Variants in SCML2 observed in about 807,000 individuals in gnomAD.
SCML2 encodes sex comb on midleg-like protein 2.
SCML2 carries 6 observed loss-of-function variants against 48.4 expected under a neutral mutation model. That is an observed-to-expected ratio of 0.12 (90% CI 0.07 to 0.24). The LOEUF is 0.24. Among genes scored for constraint, SCML2 ranks in the 10% least tolerant of loss-of-function variants. The pLI, the probability that SCML2 is intolerant of heterozygous loss-of-function variation, is 1.00. For synonymous variants in SCML2, 181 were observed against 189.5 expected (o/e 0.95, Z 0.37); for missense variants, 377 against 528.2 (o/e 0.71, Z 2.81).
chrX:18,313,342 T>C (rs973750757), intron 6 of SCML2, among the ~76,000 whole-genome samples: 5 of 110,740 alleles, frequency 4.5e-5, no homozygotes, highest in Non-Finnish European at 9.4e-5. Context: ...AGTGAATACG[T>C]CTCACAAGAT....
intron 1 of SCML2, among the ~76,000 whole-genome samples, chrX:18,339,025 CT>C (rs1487489671): frequency 9.1e-6 from 1 of 110,189 alleles, no homozygotes; most frequent in Non-Finnish European, 1.9e-5. Context: ...CCCATTCCAT[CT>C]GTCCTAATGA....
intron 7 of SCML2, among the ~76,000 whole-genome samples, chrX:18,295,885 G>A (rs1395460172): frequency 8.9e-6 from 1 of 111,951 alleles, no homozygotes; most frequent in Non-Finnish European, 1.9e-5. Flanking sequence ...AACTCATAGA[G>A]AAACTTCACT....
chrX:18,346,128 C>T (rs1930193691), intron 1 of SCML2, among the ~76,000 whole-genome samples: 1 of 110,834 alleles, frequency 9.0e-6, no homozygotes, highest in Non-Finnish European at 1.9e-5. Flanking sequence ...ATCAAATCAG[C>T]TGTCTTAATT....
At chrX:18,259,094 T>C (rs1410246258) in intron 9 of SCML2, among the ~76,000 whole-genome samples, 1 of 110,782 alleles carries the variant, frequency 9.0e-6, no homozygotes, top group African/African-American at 3.3e-5. Flanking sequence ...TGAAACCCCA[T>C]CTCTACTAAA....
At chrX:18,282,436 G>A (rs1331761872) in intron 7 of SCML2, among the ~76,000 whole-genome samples, 2 of 109,435 alleles carry the variant, frequency 1.8e-5, no homozygotes, top group African/African-American at 3.3e-5. Flanking sequence ...CCAGGAGTTC[G>A]AGACCAGCCT....
intron 10 of SCML2, 60 bp downstream of exon 10, chrX:18,257,984 A>AGGGAAGG: frequency 1.7e-6 from 1 of 587,394 alleles, no homozygotes; most frequent in Non-Finnish European, 2.6e-6. Context: ...GGAAGGGGGA[A>AGGGAAGG]GGGAAGGGGG....
chrX:18,334,096 C>T lies in SCML2; in HGVS notation c.-24-1G>A. On this transcript the variant is annotated splice_acceptor_variant, in intron 1 of 14. Coordinates refer to ENST00000251900, the MANE Select transcript of SCML2 (RefSeq NM_006089.3). LOFTEE classifies it low-confidence loss of function (5UTR_SPLICE). The stretch of plus-strand genomic sequence containing the variant: ...TGGTATCCCTATTTGGTGTTGTTTC[C>T]TACAAGGAGAAAAACCAATTAATGC... 1 of 1,175,595 alleles carries T rather than the reference C, an allele frequency of 8.5e-7. No homozygotes were observed. The highest frequency in any genetic ancestry group is 1.1e-6 in the Non-Finnish European group (1 of 873,272).
intron 5 of SCML2, among the ~76,000 whole-genome samples, chrX:18,321,927 A>G (rs1019526145): frequency 3.8e-4 from 42 of 111,885 alleles, no homozygotes; most frequent in Admixed American, 3.1e-3. Flanking sequence ...CCTTTAGGAA[A>G]GGAGAGATTA....
chrX:18,293,723 C>T (rs1928304667), intron 7 of SCML2, among the ~76,000 whole-genome samples: 1 of 111,832 alleles, frequency 8.9e-6, no homozygotes, highest in South Asian at 3.7e-4. Context: ...CTGTAAAACA[C>T]CAAAGATGAC....
chrX:18,336,383 G>A (rs1291495782), intron 1 of SCML2, among the ~76,000 whole-genome samples: 1 of 103,898 alleles, frequency 9.6e-6, no homozygotes, highest in Non-Finnish European at 2.0e-5. Context: ...AGGTTGCAAT[G>A]AGCCGAGATC....
chrX:18,303,901 C>T (rs1376202773), intron 7 of SCML2, among the ~76,000 whole-genome samples: 1 of 112,232 alleles, frequency 8.9e-6, no homozygotes, highest in Non-Finnish European at 1.9e-5. Flanking sequence ...GCTATAAGCT[C>T]TTACCTAGAC....
intron 7 of SCML2, among the ~76,000 whole-genome samples, chrX:18,293,336 G>A (rs1928294618): frequency 9.0e-6 from 1 of 111,139 alleles, no homozygotes; most frequent in African/African-American, 3.3e-5. Flanking sequence ...AGCGATGCCT[G>A]AAAAAAAGCA....
chrX:18,239,965 G>A lies in SCML2; in HGVS notation c.*1286C>T, dbSNP rs1926207209. On this transcript the variant is annotated 3_prime_UTR_variant, in exon 15 of 15. Transcript: ENST00000251900. ...TATTGCACTCCAGCCTGGGCAACAA[G>A]AGTGAAACTCCATCTCAAAAAAATA... 1 of 112,158 alleles carries A rather than the reference G, an allele frequency of 8.9e-6. No homozygotes were observed. Among genetic ancestry groups the A allele is most frequent in the Admixed American group, 9.6e-5 (1 of 10,456 alleles). The allele number at this position is 112,158 out of a possible 1,213,427, so 9.2% of individuals were successfully genotyped here.
intron 5 of SCML2, among the ~76,000 whole-genome samples, chrX:18,323,053 C>CA (rs1929372600): frequency 9.0e-6 from 1 of 110,504 alleles, no homozygotes; most frequent in African/African-American, 3.3e-5. Context: ...AATAGGAAAA[C>CA]AAAAAAATCC....
chrX:18,330,490 A>C lies in SCML2; in HGVS notation c.91+97T>G, dbSNP rs1929619854. The C allele has an allele frequency of 6.4e-6, 3 of 471,288 alleles. No individual in the cohort carries two copies. The East Asian group carries it at 1.1e-4, about 17-fold the overall frequency. 38.8% of individuals were successfully genotyped at this position (471,288 alleles called of 1,213,427 possible). On this transcript the variant is annotated intron_variant, in intron 3 of 14. Transcript: ENST00000251900. ...AAGTTTACAGTATACAGACTGTACA[A>C]TAAGAAATCAAAACAATAAGAAAAT...
At chrX:18,262,124 A>T (rs1299990454) in intron 8 of SCML2, among the ~76,000 whole-genome samples, 1 of 108,536 alleles carries the variant, frequency 9.2e-6, no homozygotes, top group East Asian at 2.8e-4. Context: ...GAACTCAGGA[A>T]TGTGTAAGAT....
At chrX:18,342,450 G>C (rs953941117) in intron 1 of SCML2, among the ~76,000 whole-genome samples, 6 of 111,633 alleles carry the variant, frequency 5.4e-5, no homozygotes, top group African/African-American at 2.0e-4. Flanking sequence ...AGTGGCTCAC[G>C]CCTGTAATCC....
intron 7 of SCML2, among the ~76,000 whole-genome samples, chrX:18,283,770 A>C (rs1927947600): frequency 1.8e-5 from 2 of 112,118 alleles, no homozygotes; most frequent in African/African-American, 6.5e-5. Flanking sequence ...TAAACACTGC[A>C]GAAAGAAATT....
intron 8 of SCML2, among the ~76,000 whole-genome samples, chrX:18,263,272 C>T (rs1289992873): frequency 1.8e-5 from 2 of 110,716 alleles, no homozygotes. Context: ...GATCCATATC[C>T]CCCACGTCAG....
Sources: allele counts gnomAD v4.1 joint callset (sites outside exome capture counted in the v4.1 genomes callset), GRCh38; gene constraint gnomAD v4.1.1; transcripts MANE v1.5; gene names NCBI Gene and HGNC (gene_info 2026-07-23, HGNC 2026-07-21).